PRKAB2: variants seen among roughly 807,000 people sequenced by gnomAD.
PRKAB2 encodes the protein 5'-AMP-activated protein kinase subunit beta-2.
A neutral mutation model predicts 29.8 loss-of-function variants in PRKAB2; 18 were observed. The ratio of observed to expected loss-of-function variants is 0.60; its 90% CI spans 0.42 to 0.89. PRKAB2 has a LOEUF of 0.89. Ranked by LOEUF, PRKAB2 falls within the 40% of genes least tolerant of loss-of-function variation. The pLI is 0.00. For synonymous variants in PRKAB2, 136 were observed against 125.9 expected, an observed-to-expected ratio of 1.08 and a Z score of -0.54; for missense variants, 270 against 344.3, an observed-to-expected ratio of 0.78 and a Z score of 1.71.
At chr1:147,163,916 A>T (rs946279402) in intron 5 of PRKAB2, among the ~76,000 whole-genome samples, 9 of 152,204 alleles carry the variant, frequency 5.9e-5, no homozygotes, top group African/African-American at 2.2e-4. Context: ...GAAATATATT[A>T]TAATATATTT....
chr1:147,166,450 G>T, intron 5 of PRKAB2, 48 bp downstream of exon 5: 1 of 1,588,040 alleles, frequency 6.3e-7, no homozygotes, highest in South Asian at 1.1e-5. Flanking sequence ...TTTTAGGAAG[G>T]AACTACAAGA....
Position 147,167,805 on chromosome 1 carries a change from G to C in PRKAB2, c.285C>G (p.Ser95=). The C allele has an allele frequency of 6.2e-7, 1 of 1,613,940 alleles. No homozygotes were observed. Among genetic ancestry groups the C allele is most frequent in the Non-Finnish European group, 8.5e-7 (1 of 1,179,884 alleles). ...GAATCTTGGTGCTCCAATTGTTGAAGGACCCAGAGATGAAGACCTCCTTGC... is the reference window on the plus strand; with the variant it reads ...GAATCTTGGTGCTCCAATTGTTGAACGACCCAGAGATGAAGACCTCCTTGC... ...EGGKEVFISG[S]FNNWSTKIPL... Residue 95 remains serine, a synonymous_variant, in exon 3 of 8, where the codon TCC becomes TCG. Transcript: ENST00000254101.
intron 3 of PRKAB2, 47 bp downstream of exon 3, chr1:147,167,720 C>T: frequency 6.4e-7 from 1 of 1,569,226 alleles, no homozygotes; most frequent in Non-Finnish European, 8.6e-7. Flanking sequence ...GAAAAGAAAT[C>T]AGGTCTCTAT....
At chr1:147,162,935 T>G (rs930495) in intron 5 of PRKAB2, among the ~76,000 whole-genome samples, 72,311 of 152,006 alleles carry the variant, frequency 0.48, 18,360 homozygotes, top group East Asian at 0.86. Context: ...TTTCATGATG[T>G]TTTTAAGGAA....
At chr1:147,164,747 T>TA (rs1244911550) in intron 5 of PRKAB2, among the ~76,000 whole-genome samples, 1 of 152,156 alleles carries the variant, frequency 6.6e-6, no homozygotes, top group Non-Finnish European at 1.5e-5. Context: ...AGATTCCTAG[T>TA]AAAAAATGGA....
chr1:147,172,245 C>G (rs1654686241), intron 1 of PRKAB2, 78 bp from the exon 2 acceptor site: 1 of 1,419,110 alleles, frequency 7.0e-7, no homozygotes, highest in Non-Finnish European at 9.2e-7. Context: ...GCCCCTGCGC[C>G]TCGGGACAGG....
chr1:147,171,615 T>C (rs1553914372), intron 2 of PRKAB2, among the ~76,000 whole-genome samples: 1 of 152,160 alleles, frequency 6.6e-6, no homozygotes, highest in East Asian at 1.9e-4. Flanking sequence ...CCACCTATGG[T>C]CAGCAACTCG....
intron 2 of PRKAB2, 70 bp downstream of exon 2, chr1:147,171,908 AAAAGAACCAAG>A (rs1654633400): frequency 1.3e-6 from 2 of 1,531,640 alleles, no homozygotes; most frequent in Non-Finnish European, 1.8e-6. Context: ...GGCGCGGTAG[AAAAGAACCAAG>A]AAAGGGAAGA....
At chr1:147,166,303 T>C (rs1236448425) in intron 5 of PRKAB2, among the ~76,000 whole-genome samples, 195 bp downstream of exon 5, 1 of 152,196 alleles carries the variant, frequency 6.6e-6, no homozygotes, top group Non-Finnish European at 1.5e-5. Flanking sequence ...GAGACTTGTG[T>C]TACAATGTGT....
chr1:147,156,905 T>G lies in PRKAB2; in HGVS notation c.*2660A>C, dbSNP rs1316362481. The stretch of plus-strand genomic sequence containing the variant: ...AAAAGAGATCATTTTCAGTTGTAAG[T>G]TACTCAACCCTTTATTCTATTATTA... On this transcript the variant is annotated 3_prime_UTR_variant, in exon 8 of 8. Coordinates refer to ENST00000254101, the MANE Select transcript of PRKAB2 (RefSeq NM_005399.5). 7.2e-5 allele frequency: 11 copies of G among 152,224 alleles called. No individual in the cohort carries two copies. The East Asian group carries it at 2.1e-3, about 30-fold the overall frequency. The allele number at this position is 152,224 out of a possible 1,614,324, so 9.4% of individuals were successfully genotyped here. A position where few individuals can be genotyped will look rare whatever the true frequency, so the allele number is the denominator to read the frequency against.
In PRKAB2 at chr1:147,164,516, C is replaced by G. The variant is rs587625784; in HGVS notation, c.539-1943G>C. 3.3e-5 allele frequency among the ~76,000 whole-genome samples: 5 copies of G among 152,266 alleles called. No homozygotes were observed. In the South Asian group the frequency reaches 1.0e-3, roughly 32 times the overall value. ...AAAAGAAAAAAGCAGAAGTAATACT[C>G]TGATATTAAATAATATCTTTAAAAC... On this transcript the variant is annotated intron_variant, in intron 5 of 7. Transcript: ENST00000254101.
rs1004701327 is a variant in PRKAB2 at position 147,172,182 on chromosome 1, G to T, written c.-23-15C>A. The stretch of plus-strand genomic sequence containing the variant: ...TCGGGGACCACCTACCGCGGGGAAC[G>T]ACACCGGGCTGGGAACACCTCAGCC... On this transcript the variant is annotated splice_polypyrimidine_tract_variant and intron_variant, in intron 1 of 7. Transcript: ENST00000254101. 1 of 1,521,064 alleles carries T rather than the reference G, an allele frequency of 6.6e-7. No homozygotes were observed. Among genetic ancestry groups the T allele is most frequent in the Non-Finnish European group, 8.8e-7 (1 of 1,134,772 alleles). The allele number at this position is 1,521,064 out of a possible 1,614,324, so 94.2% of individuals were successfully genotyped here.
In PRKAB2 at chr1:147,157,415, A is replaced by G. The variant is rs1287634198; in HGVS notation, c.*2150T>C. ...TCTCTGCACATTTCCAGAGAGAAAGATCTGAAGATCACTAGCATCAAAACC... is the reference window on the plus strand; with the variant it reads ...TCTCTGCACATTTCCAGAGAGAAAGGTCTGAAGATCACTAGCATCAAAACC... On this transcript the variant is annotated 3_prime_UTR_variant, in exon 8 of 8. Coordinates refer to ENST00000254101, the MANE Select transcript of PRKAB2 (RefSeq NM_005399.5). The G allele has an allele frequency of 6.6e-6, 1 of 152,114 alleles. No homozygotes were observed. The highest frequency in any genetic ancestry group is 1.5e-5 in the Non-Finnish European group (1 of 68,008). The allele number at this position is 152,114 out of a possible 1,614,324, so 9.4% of individuals were successfully genotyped here.
chr1:147,165,558 C>T (rs977300279), intron 5 of PRKAB2, among the ~76,000 whole-genome samples: 8 of 152,148 alleles, frequency 5.3e-5, no homozygotes. Context: ...ACTGGGAATA[C>T]TGTGCACAAT....
rs1389744646 is a variant in PRKAB2 at position 147,157,742 on chromosome 1, A to G, written c.*1823T>C. ...TTGGTTATAATAGGATCTGGCCTGG[A>G]TTTTTAAATGGCACACCATTCAAAA... On this transcript the variant is annotated 3_prime_UTR_variant, in exon 8 of 8. Coordinates refer to ENST00000254101, the MANE Select transcript of PRKAB2 (RefSeq NM_005399.5). 6.6e-6 allele frequency: 1 copy of G among 152,146 alleles called. No homozygotes were observed. Among genetic ancestry groups the G allele is most frequent in the Non-Finnish European group, 1.5e-5 (1 of 68,012 alleles). The allele number at this position is 152,146 out of a possible 1,614,324, so 9.4% of individuals were successfully genotyped here. A position where few individuals can be genotyped will look rare whatever the true frequency, so the allele number is the denominator to read the frequency against.
At chr1:147,170,579 GT>G (rs782512402) in intron 2 of PRKAB2, among the ~76,000 whole-genome samples, 2 of 149,592 alleles carry the variant, frequency 1.3e-5, no homozygotes, top group African/African-American at 2.5e-5. Context: ...ATTATGGTTG[GT>G]TTTTTTGTTT....
At chr1:147,160,290 A>G (rs781907281) in intron 7 of PRKAB2, among the ~76,000 whole-genome samples, 24 of 152,112 alleles carry the variant, frequency 1.6e-4, no homozygotes, top group Non-Finnish European at 3.1e-4. Flanking sequence ...CCTAAACAAT[A>G]TGAGAGAATC....
intron 4 of PRKAB2, 111 bp downstream of exon 4, chr1:147,166,735 A>G: frequency 1.9e-6 from 3 of 1,552,288 alleles, no homozygotes; most frequent in Non-Finnish European, 2.6e-6. Flanking sequence ...ACGTTTTATC[A>G]AGAGAGAAAT....
Position 147,159,459 on chromosome 1 carries a change from T to A in PRKAB2, c.*106A>T, listed in dbSNP as rs1653839953. 1.1e-6 allele frequency: 1 copy of A among 943,086 alleles called. No homozygotes were observed. The highest frequency in any genetic ancestry group is 1.6e-5 in the African/African-American group (1 of 61,468). The allele number at this position is 943,086 out of a possible 1,614,324, so 58.4% of individuals were successfully genotyped here. ...ACTCAGAGGCTCTGAAACACACATA[T>A]CAGCCTCAAAGCAAATCAGCCTTCC... On this transcript the variant is annotated 3_prime_UTR_variant, in exon 8 of 8. Coordinates refer to ENST00000254101, the MANE Select transcript of PRKAB2 (RefSeq NM_005399.5).
Sources: gnomAD v4.1 joint callset for allele counts (sites outside exome capture counted in the v4.1 genomes callset) on GRCh38, gnomAD v4.1.1 for gene constraint, MANE v1.5 for transcripts, NCBI Gene and HGNC (gene_info 2026-07-23, HGNC 2026-07-21) for gene names.